ATP2C1: variants seen among roughly 807,000 people sequenced by gnomAD.
ATP2C1 encodes the protein calcium-transporting ATPase type 2C member 1.
In ATP2C1, 31 loss-of-function variants were observed where a neutral mutation model predicts 120.5. The observed-to-expected ratio is 0.26, with a 90% confidence interval of 0.19 to 0.35. ATP2C1 has a LOEUF of 0.35. Among genes scored for constraint, ATP2C1 ranks in the 10% least tolerant of loss-of-function variants. The pLI is 1.00. For synonymous variants in ATP2C1, 351 were observed against 358.7 expected (o/e 0.98, Z 0.24); for missense variants, 731 against 1,107.5 (o/e 0.66, Z 4.83).
At chr3:130,879,828 A>G (rs1406160149) in intron 1 of ATP2C1, among the ~76,000 whole-genome samples, 2 of 152,194 alleles carry the variant, frequency 1.3e-5, no homozygotes, top group African/African-American at 2.4e-5. Flanking sequence ...GGTGTCTGCA[A>G]GTTCCTCAGT....
At chr3:130,887,129 C>G (rs1024446849) in intron 1 of ATP2C1, among the ~76,000 whole-genome samples, 11 of 152,174 alleles carry the variant, frequency 7.2e-5, no homozygotes, top group Non-Finnish European at 1.5e-4. Flanking sequence ...GAAGAATTCT[C>G]TGTATTATGA....
At chr3:130,875,102 A>C (rs1017596080) in intron 1 of ATP2C1, among the ~76,000 whole-genome samples, 2 of 152,226 alleles carry the variant, frequency 1.3e-5, no homozygotes, top group Non-Finnish European at 2.9e-5. Context: ...CCCTCACCTC[A>C]AAAATTTATG....
At chr3:130,868,299 T>G (rs1275589593) in intron 1 of ATP2C1, 28 of 112,576 alleles carry the variant, frequency 2.5e-4, no homozygotes, top group South Asian at 6.3e-4. Context: ...GGTGAGGGGC[T>G]CCTCTGCCTG....
At chr3:130,903,407 C>T (rs577692162) in intron 2 of ATP2C1, among the ~76,000 whole-genome samples, 2 of 152,080 alleles carry the variant, frequency 1.3e-5, no homozygotes, top group Admixed American at 1.3e-4. Context: ...GCTTACGTGG[C>T]TCCCCATTGT....
chr3:130,986,980 C>A (rs2062050847), intron 20 of ATP2C1, among the ~76,000 whole-genome samples: 1 of 151,460 alleles, frequency 6.6e-6, no homozygotes, highest in Non-Finnish European at 1.5e-5. Context: ...TGCTTTATTG[C>A]CCAGACTGGA....
intron 21 of ATP2C1, 23 bp downstream of exon 21, chr3:130,993,024 G>A: frequency 6.2e-7 from 1 of 1,601,686 alleles, no homozygotes; most frequent in Non-Finnish European, 8.6e-7. Context: ...GAATCAGATT[G>A]TTTTATTTCT....
In ATP2C1 at chr3:130,902,300, T is replaced by G. The variant is rs1434266669; in HGVS notation, c.6+7525T>G. Among the ~76,000 whole-genome samples the G allele has an allele frequency of 6.0e-3, 394 of 66,172 alleles. 4 individuals carry two copies. Among genetic ancestry groups the G allele is most frequent in the Non-Finnish European group, 0.01 (304 of 29,010 alleles). The allele number at this position is 66,172 out of a possible 152,430, so 43.4% of individuals were successfully genotyped here. A position where few individuals can be genotyped will look rare whatever the true frequency, so the allele number is the denominator to read the frequency against. On this transcript the variant is annotated intron_variant, in intron 2 of 27. Coordinates refer to ENST00000510168, the MANE Select transcript of ATP2C1 (RefSeq NM_001378687.1). ...AGGCTTCACGTTTTTTTTTTTTGTT[T>G]TTTTTTTTTTTTTTTTTTTTTTCTG...
At chr3:130,923,544 CT>C (rs984406525) in intron 2 of ATP2C1, among the ~76,000 whole-genome samples, 6 of 149,130 alleles carry the variant, frequency 4.0e-5, no homozygotes, top group African/African-American at 1.5e-4. Flanking sequence ...ACTGTTGTTG[CT>C]TTGAAGTCTA....
Position 130,994,098 on chromosome 3 carries a change from T to C in ATP2C1, c.2057T>C (p.Met686Thr). 1.2e-6 allele frequency: 2 copies of C among 1,614,072 alleles called. No homozygotes were observed. Among genetic ancestry groups the C allele is most frequent in the Non-Finnish European group, 1.7e-6 (2 of 1,179,968 alleles). Residue 686 changes from methionine to threonine, a missense_variant and splice_region_variant, in exon 22 of 28, where the codon ATG (methionine) becomes ACG (threonine). Transcript: ENST00000510168. The stretch of plus-strand genomic sequence containing the variant: ...GTGGATGATGATTTTCAAACCATAA[T>C]GTAAGCTTTGTTTCAGTGAATGCCT... ...ILVDDDFQTI[M>T]SAIEEGKGIY...
rs543394734 is a variant in ATP2C1 at position 130,885,376 on chromosome 3, T to C, written c.108+34448T>C. On this transcript the variant is annotated intron_variant, in intron 1 of 26. Coordinates refer to the ATP2C1 transcript ENST00000504381. Reference sequence around the variant, plus strand: ...TAAGTAGAGACTTTCTCTTACTATTTTGTTATGTGTTTTCTAGTTGTTTTG... The same window carrying C: ...TAAGTAGAGACTTTCTCTTACTATTCTGTTATGTGTTTTCTAGTTGTTTTG... Among the ~76,000 whole-genome samples, 8 of 152,310 alleles carry C rather than the reference T, an allele frequency of 5.3e-5. No homozygotes were observed. The South Asian group carries it at 1.7e-3, about 32-fold the overall frequency.
chr3:130,960,316 T>A (rs1370899113), intron 12 of ATP2C1, among the ~76,000 whole-genome samples: 1 of 152,174 alleles, frequency 6.6e-6, no homozygotes, highest in Admixed American at 6.6e-5. Context: ...CAGCAGTCCA[T>A]GTAGCAATTC....
intron 8 of ATP2C1, among the ~76,000 whole-genome samples, chr3:130,947,344 T>C (rs1450385388): frequency 6.6e-6 from 1 of 152,186 alleles, no homozygotes; most frequent in Non-Finnish European, 1.5e-5. Context: ...TGGTTTTCAG[T>C]ATATTCACAG....
chr3:130,960,714 G>C (rs1310168893), intron 12 of ATP2C1, among the ~76,000 whole-genome samples: 1 of 152,128 alleles, frequency 6.6e-6, no homozygotes, highest in Non-Finnish European at 1.5e-5. Context: ...TGGAGCCGTG[G>C]TAACAAATTA....
In ATP2C1 at chr3:131,002,975, A is replaced by G; in HGVS notation, c.*1625A>G. ...TCTATCATTAGTGACTTGATGTCTC[A>G]TACCTTAATTTTGTAATGATTTTTA... On this transcript the variant is annotated 3_prime_UTR_variant, in exon 28 of 28. Transcript: ENST00000510168. The G allele has an allele frequency of 1.0e-6, 1 of 985,310 alleles. No homozygotes were observed. The highest frequency in any genetic ancestry group is 1.2e-6 in the Non-Finnish European group (1 of 829,410). 61.0% of individuals were successfully genotyped at this position (985,310 alleles called of 1,614,324 possible).
At chr3:130,948,459 G>A (rs1453094351) in intron 8 of ATP2C1, among the ~76,000 whole-genome samples, 1 of 151,902 alleles carries the variant, frequency 6.6e-6, no homozygotes, top group Non-Finnish European at 1.5e-5. Flanking sequence ...TTCTGTGGCT[G>A]TTTTCAAGAT....
intron 22 of ATP2C1, among the ~76,000 whole-genome samples, chr3:130,995,794 C>T (rs1274669132): frequency 6.6e-6 from 1 of 152,118 alleles, no homozygotes; most frequent in Non-Finnish European, 1.5e-5. Context: ...GCATGCGCCA[C>T]CACACCCGGC....
Position 130,884,505 on chromosome 3 carries a change from A to G in ATP2C1, c.108+33577A>G, listed in dbSNP as rs191044408. On this transcript the variant is annotated intron_variant, in intron 1 of 26. Coordinates refer to the ATP2C1 transcript ENST00000504381. The stretch of plus-strand genomic sequence containing the variant: ...AGCCATTGGATGAAATGTTCTGTAA[A>G]TATCTATTAGGTCCACTTGGTCTAC... 1.4e-3 allele frequency among the ~76,000 whole-genome samples: 207 copies of G among 152,272 alleles called. No homozygotes were observed. The South Asian group carries it at 0.016, about 12-fold the overall frequency.
chr3:130,999,461 A>G, intron 26 of ATP2C1, 57 bp from the exon 27 acceptor site: 1 of 1,577,212 alleles, frequency 6.3e-7, no homozygotes, highest in Non-Finnish European at 8.7e-7. Context: ...TGAATATAAT[A>G]AAGAAGTTAT....
chr3:130,885,944 T>C (rs1266898598), intron 1 of ATP2C1, among the ~76,000 whole-genome samples: 2 of 152,218 alleles, frequency 1.3e-5, no homozygotes, highest in African/African-American at 4.8e-5. Flanking sequence ...AATATTCATA[T>C]AGATGATTTC....
Sources: allele counts gnomAD v4.1 joint callset (sites outside exome capture counted in the v4.1 genomes callset), GRCh38; gene constraint gnomAD v4.1.1; transcripts MANE v1.5; gene names NCBI Gene and HGNC (gene_info 2026-07-23, HGNC 2026-07-21).